Variants in ELOVL5 observed in about 807,000 individuals in gnomAD.
The protein encoded by ELOVL5 is very long chain fatty acid elongase 5.
In ELOVL5, 8 loss-of-function variants were observed where a neutral mutation model predicts 38.6. The ratio of observed to expected loss-of-function variants is 0.21; its 90% confidence interval spans 0.12 to 0.37. The LOEUF (loss-of-function observed/expected upper bound fraction) is 0.37, where lower values mean the gene tolerates loss of function less well. Among genes scored for constraint, ELOVL5 ranks in the 10% least tolerant of loss-of-function variants. ELOVL5 has a pLI of 1.00. For missense variants in ELOVL5, 280 were observed against 367.8 expected, an observed-to-expected ratio of 0.76 and a Z score of 1.95; for synonymous variants, 127 against 133.7, an observed-to-expected ratio of 0.95 and a Z score of 0.34.
intron 1 of ELOVL5, among the ~76,000 whole-genome samples, chr6:53,339,134 A>G (rs1376800059): frequency 1.3e-5 from 2 of 152,166 alleles, no homozygotes; most frequent in African/African-American, 4.8e-5. Context: ...AAAATGGGGG[A>G]AAATCCTGCT....
intron 3 of ELOVL5, among the ~76,000 whole-genome samples, chr6:53,282,438 T>G (rs1766396202): frequency 6.6e-6 from 1 of 152,214 alleles, no homozygotes; most frequent in Non-Finnish European, 1.5e-5. Context: ...GTAGAAAGTA[T>G]TCCCTTCCCC....
rs1765829998 is a variant in ELOVL5, at chr6:53,269,063, G to A, written c.*64C>T. 1 of 1,566,372 alleles carries A rather than the reference G, an allele frequency of 6.4e-7. No individual in the cohort carries two copies. The highest frequency in any genetic ancestry group is 8.7e-7 in the Non-Finnish European group (1 of 1,149,428). ...TTACAGCAGCTGTTAACGAGCATTGGGGCACAACTCATATTGTGCTTACAA... is the reference window on the plus strand; with the variant it reads ...TTACAGCAGCTGTTAACGAGCATTGAGGCACAACTCATATTGTGCTTACAA... On this transcript the variant is annotated 3_prime_UTR_variant, in exon 8 of 8. Coordinates refer to ENST00000304434, the MANE Select transcript of ELOVL5 (RefSeq NM_021814.5).
chr6:53,326,431 C>G (rs918386159), intron 1 of ELOVL5, among the ~76,000 whole-genome samples: 2 of 152,158 alleles, frequency 1.3e-5, no homozygotes, highest in Non-Finnish European at 2.9e-5. Context: ...TACCTGCTTT[C>G]CCTAGCCCAA....
intron 1 of ELOVL5, among the ~76,000 whole-genome samples, chr6:53,315,890 A>G (rs1179303421): frequency 2.0e-5 from 3 of 152,210 alleles, no homozygotes; most frequent in Non-Finnish European, 4.4e-5. Context: ...TATGAGAAAG[A>G]TGTAATCTGT....
At chr6:53,301,930 G>A (rs1230282680) in intron 1 of ELOVL5, among the ~76,000 whole-genome samples, 1 of 152,120 alleles carries the variant, frequency 6.6e-6, no homozygotes, top group Non-Finnish European at 1.5e-5. Context: ...TATATTTAAA[G>A]ATACAGCTGA....
At chr6:53,336,784 A>C (rs1001810824) in intron 1 of ELOVL5, among the ~76,000 whole-genome samples, 5 of 152,220 alleles carry the variant, frequency 3.3e-5, no homozygotes, top group Non-Finnish European at 7.3e-5. Context: ...GAAAGCCCTA[A>C]CAGGTAATAT....
chr6:53,345,385 T>C (rs1769494839), intron 1 of ELOVL5, among the ~76,000 whole-genome samples: 2 of 152,216 alleles, frequency 1.3e-5, no homozygotes, highest in South Asian at 2.1e-4. Context: ...TGCTAGGCCC[T>C]TAACATGGAT....
chr6:53,274,867 C>T (rs1766053560), intron 5 of ELOVL5, among the ~76,000 whole-genome samples: 1 of 152,170 alleles, frequency 6.6e-6, no homozygotes, highest in African/African-American at 2.4e-5. Context: ...AATATGTCCC[C>T]AGTGGTATCT....
chr6:53,329,344 T>C (rs1316072568), intron 1 of ELOVL5, among the ~76,000 whole-genome samples: 18 of 152,232 alleles, frequency 1.2e-4, no homozygotes, highest in Admixed American at 1.2e-3. Context: ...TTAAATGTTT[T>C]CATAATTGTT....
intron 2 of ELOVL5, chr6:53,294,291 G>A (rs1277856549): frequency 9.6e-6 from 15 of 1,565,722 alleles, no homozygotes; most frequent in Non-Finnish European, 1.3e-5. Flanking sequence ...GTTCAGGCAG[G>A]GGCATGTGAA....
intron 2 of ELOVL5, among the ~76,000 whole-genome samples, chr6:53,294,671 C>A (rs570848074): frequency 3.7e-4 from 57 of 152,190 alleles, no homozygotes; most frequent in African/African-American, 1.4e-3. Context: ...CTATCCCAAC[C>A]CAAGCACATA....
rs1331980408 is a variant in ELOVL5, at chr6:53,308,891, C to T, written c.-8-13184G>A. Among the ~76,000 whole-genome samples, 18 of 78,452 alleles carry T rather than the reference C, an allele frequency of 2.3e-4. No homozygotes were observed. The East Asian group carries it at 3.0e-3, about 13-fold the overall frequency. 51.5% of individuals were successfully genotyped at this position (78,452 alleles called of 152,430 possible). On this transcript the variant is annotated intron_variant, in intron 1 of 7. Transcript: ENST00000304434. Reference sequence around the variant, plus strand: ...GGGGGGAGGGGATGCGCAGGTGGGGCGGGGGGCGGGGAGGCAATCATATTT... The same window carrying T: ...GGGGGGAGGGGATGCGCAGGTGGGGTGGGGGGCGGGGAGGCAATCATATTT...
At chr6:53,271,232 G>T (rs1239793039) in intron 6 of ELOVL5, among the ~76,000 whole-genome samples, 3 of 152,330 alleles carry the variant, frequency 2.0e-5, no homozygotes, top group African/African-American at 4.8e-5. Context: ...ACTGGTTAGA[G>T]AAATGGTGGA....
At position 53,275,224 on chromosome 6, in the gene ELOVL5, A is replaced by G. The variant is rs1296435099; in HGVS notation, c.362T>C (p.Leu121Pro). 6.2e-7 allele frequency: 1 copy of G among 1,614,080 alleles called. No homozygotes were observed. Among genetic ancestry groups the G allele is most frequent in the Non-Finnish European group, 8.5e-7 (1 of 1,180,026 alleles). Reference sequence around the variant, plus strand: ...GAAGAAAGTGTCCATAAATTCTATGAGTTTGGAGAAGTAGTACCACCAGAG... The same window carrying G: ...GAAGAAAGTGTCCATAAATTCTATGGGTTTGGAGAAGTAGTACCACCAGAG... ...RVLWWYYFSK[L>P]IEFMDTFFFI... is the part of the protein sequence containing the mutation. Residue 121 changes from leucine (L) to proline (P), a missense_variant, in exon 5 of 8, where the codon CTC (leucine) becomes CCC (proline). By Grantham distance (98) the Leu-to-Pro change is moderately conservative. Transcript: ENST00000304434.
chr6:53,310,326 G>A (rs1211804395), intron 1 of ELOVL5, among the ~76,000 whole-genome samples: 1 of 152,134 alleles, frequency 6.6e-6, no homozygotes, highest in Non-Finnish European at 1.5e-5. Flanking sequence ...GACTCACTAA[G>A]GAAATATCCC....
At chr6:53,295,441 C>A (rs1766953673) in intron 2 of ELOVL5, among the ~76,000 whole-genome samples, 1 of 152,154 alleles carries the variant, frequency 6.6e-6, no homozygotes, top group African/African-American at 2.4e-5. Context: ...TTTTTAAACT[C>A]CAGTTAAAGT....
chr6:53,347,822 G>A (rs1044725818), intron 1 of ELOVL5, among the ~76,000 whole-genome samples: 1 of 152,136 alleles, frequency 6.6e-6, no homozygotes, highest in Non-Finnish European at 1.5e-5. Flanking sequence ...GGATGGGGCG[G>A]GGGGAACCGC....
intron 1 of ELOVL5, among the ~76,000 whole-genome samples, chr6:53,298,256 C>A (rs1166907947): frequency 6.6e-6 from 1 of 152,182 alleles, no homozygotes; most frequent in African/African-American, 2.4e-5. Flanking sequence ...TAAGGAGGAA[C>A]AAGGTCATAA....
At chr6:53,294,619 T>C in intron 2 of ELOVL5, 1 of 1,347,716 alleles carries the variant, frequency 7.4e-7, no homozygotes. Context: ...ATTTTAGCCA[T>C]TTAGAGTTGG....
Sources: allele counts gnomAD v4.1 joint callset (sites outside exome capture counted in the v4.1 genomes callset), GRCh38; gene constraint gnomAD v4.1.1; transcripts MANE v1.5; gene names NCBI Gene and HGNC (gene_info 2026-07-23, HGNC 2026-07-21).